The following TMEM132C variants were observed in gnomAD, a reference collection of about 807,000 sequenced individuals.
The protein encoded by TMEM132C is transmembrane protein 132C, also known as protein phosphatase 1, regulatory subunit 152.
TMEM132C carries 29 observed loss-of-function variants against 61.4 expected under a neutral mutation model. That is an observed-to-expected ratio of 0.47 (90% CI 0.35 to 0.64). The LOEUF (loss-of-function observed/expected upper bound fraction) is 0.64, where lower values mean the gene tolerates loss of function less well. Among genes scored for constraint, TMEM132C ranks in the 30% least tolerant of loss-of-function variants. TMEM132C has a pLI of 0.00. For missense variants in TMEM132C, 1,408 were observed against 1,476.9 expected (o/e 0.95, Z 0.76); for synonymous variants, 656 against 633.1 (o/e 1.04, Z -0.54).
intron 4 of TMEM132C, among the ~76,000 whole-genome samples, chr12:128,656,503 T>C (rs1344067544): frequency 6.6e-6 from 1 of 152,272 alleles, no homozygotes; most frequent in Non-Finnish European, 1.5e-5. Context: ...GGAGATTTTC[T>C]AAAGTACTGC....
chr12:128,489,866 TACA>T (rs940170038), intron 2 of TMEM132C, among the ~76,000 whole-genome samples: 53 of 152,138 alleles, frequency 3.5e-4, no homozygotes, highest in African/African-American at 8.7e-4. Flanking sequence ...GGCATTTTTT[TACA>T]ACATCCTGAA....
intron 2 of TMEM132C, among the ~76,000 whole-genome samples, chr12:128,496,655 A>G (rs1871973119): frequency 6.6e-6 from 1 of 152,164 alleles, no homozygotes; most frequent in Admixed American, 6.5e-5. Context: ...TTCGTCACAT[A>G]GTTCTCGTGC....
chr12:128,582,262 G>A (rs1426338996), intron 3 of TMEM132C, among the ~76,000 whole-genome samples: 5 of 152,138 alleles, frequency 3.3e-5, no homozygotes. Flanking sequence ...CATACCACTG[G>A]GAATTAAGGA....
intron 3 of TMEM132C, among the ~76,000 whole-genome samples, chr12:128,586,459 CT>C (rs1875552793): frequency 6.6e-6 from 1 of 151,856 alleles, no homozygotes; most frequent in Non-Finnish European, 1.5e-5. Context: ...CTTTGCAAGA[CT>C]AGAATTCTCC....
At chr12:128,391,728 A>C (rs1248151215) in intron 1 of TMEM132C, among the ~76,000 whole-genome samples, 2 of 152,178 alleles carry the variant, frequency 1.3e-5, no homozygotes, top group African/African-American at 4.8e-5. Context: ...TCCTTGCTTT[A>C]GGTCACACAG....
At chr12:128,558,293 T>G (rs1236774222) in intron 3 of TMEM132C, among the ~76,000 whole-genome samples, 3 of 152,188 alleles carry the variant, frequency 2.0e-5, no homozygotes, top group Admixed American at 6.5e-5. Flanking sequence ...CACCTTGAAT[T>G]GTAGCTCCCA....
At chr12:128,608,104 G>A (rs1470257179) in intron 3 of TMEM132C, among the ~76,000 whole-genome samples, 1 of 152,164 alleles carries the variant, frequency 6.6e-6, no homozygotes, top group Non-Finnish European at 1.5e-5. Context: ...AGGACACATG[G>A]CCTTAGAAAG....
At chr12:128,504,622 A>G (rs116649500) in intron 2 of TMEM132C, among the ~76,000 whole-genome samples, 2 of 152,112 alleles carry the variant, frequency 1.3e-5, no homozygotes, top group South Asian at 2.1e-4. Context: ...GTGTCTTCAC[A>G]TGGCCTTTTC....
At chr12:128,594,869 C>T (rs1168371585) in intron 3 of TMEM132C, among the ~76,000 whole-genome samples, 2 of 152,220 alleles carry the variant, frequency 1.3e-5, no homozygotes, top group Admixed American at 1.3e-4. Flanking sequence ...CTAAGAATGG[C>T]TTTTTCTAAA....
intron 1 of TMEM132C, among the ~76,000 whole-genome samples, chr12:128,298,707 G>A (rs1375348540): frequency 6.6e-6 from 1 of 152,170 alleles, no homozygotes; most frequent in African/African-American, 2.4e-5. Context: ...GGAAGAAAAC[G>A]AACTTTGCAG....
chr12:128,647,024 A>C (rs1301624973), intron 4 of TMEM132C, among the ~76,000 whole-genome samples: 1 of 151,380 alleles, frequency 6.6e-6, no homozygotes, highest in Non-Finnish European at 1.5e-5. Context: ...GGAGTCCATC[A>C]GCGTTGGATG....
chr12:128,612,431 G>A (rs866554637), intron 3 of TMEM132C, among the ~76,000 whole-genome samples: 32 of 152,284 alleles, frequency 2.1e-4, no homozygotes, highest in Middle Eastern at 3.4e-3. Context: ...CCAAGATTAG[G>A]TTGAGTTGGC....
At chr12:128,642,500 T>A (rs1042840766) in intron 4 of TMEM132C, among the ~76,000 whole-genome samples, 3 of 152,192 alleles carry the variant, frequency 2.0e-5, no homozygotes, top group Non-Finnish European at 4.4e-5. Context: ...TGGGGACCGA[T>A]CCCTCATGAA....
intron 1 of TMEM132C, among the ~76,000 whole-genome samples, chr12:128,390,720 G>C (rs77226925): frequency 0.012 from 1,778 of 152,244 alleles, 37 homozygotes; most frequent in African/African-American, 0.04. Context: ...TCTGATTTCT[G>C]ATGTATAAAG....
At chr12:128,527,519 G>C (rs1278206490) in intron 2 of TMEM132C, among the ~76,000 whole-genome samples, 4 of 152,206 alleles carry the variant, frequency 2.6e-5, no homozygotes, top group African/African-American at 4.8e-5. Context: ...GCAGTTACCT[G>C]TAAGAAGTTA....
At chr12:128,477,641 G>A (rs771986337) in intron 2 of TMEM132C, among the ~76,000 whole-genome samples, 3 of 152,170 alleles carry the variant, frequency 2.0e-5, no homozygotes, top group Non-Finnish European at 4.4e-5. Flanking sequence ...GTGCAGTGGT[G>A]CAATCTCGGC....
intron 2 of TMEM132C, among the ~76,000 whole-genome samples, chr12:128,510,701 A>G (rs1265561052): frequency 6.6e-6 from 1 of 152,212 alleles, no homozygotes; most frequent in Non-Finnish European, 1.5e-5. Context: ...CAGAGAGGAA[A>G]TAAGCCAAAA....
chr12:128,341,133 G>A (rs1462244549), intron 1 of TMEM132C, among the ~76,000 whole-genome samples: 2 of 151,962 alleles, frequency 1.3e-5, no homozygotes, highest in South Asian at 2.1e-4. Context: ...TAGAGACGGG[G>A]TTTCACCATC....
intron 1 of TMEM132C, among the ~76,000 whole-genome samples, chr12:128,344,782 G>A (rs1425483262): frequency 6.6e-6 from 1 of 151,998 alleles, no homozygotes; most frequent in Admixed American, 6.6e-5. Flanking sequence ...GTGCTTATAG[G>A]CCAATTAAGA....
Sources: gnomAD v4.1 joint callset for allele counts (sites outside exome capture counted in the v4.1 genomes callset) on GRCh38, gnomAD v4.1.1 for gene constraint, MANE v1.5 for transcripts, NCBI Gene and HGNC (gene_info 2026-07-23, HGNC 2026-07-21) for gene names.